Variants in COL11A2 observed in about 807,000 individuals in gnomAD.
The protein encoded by COL11A2 is collagen alpha-2(XI) chain.
In COL11A2, 116 loss-of-function variants were observed where a neutral mutation model predicts 273.4. The ratio of observed to expected loss-of-function variants is 0.42; its 90% CI spans 0.36 to 0.49. The LOEUF is 0.49. Ranked by LOEUF, COL11A2 falls within the 20% of genes least tolerant of loss-of-function variation. The pLI is 0.00. For synonymous variants in COL11A2, 782 were observed against 864.2 expected (o/e 0.90, Z 1.67); for missense variants, 1,866 against 2,309.0 (o/e 0.81, Z 3.93).
upstream of COL11A2, among the ~76,000 whole-genome samples, chr6:33,192,824 AG>A (rs1403461735): frequency 2.0e-5 from 3 of 151,450 alleles, no homozygotes; most frequent in Non-Finnish European, 4.4e-5. Flanking sequence ...GGAGGGGGAG[AG>A]GCGGGCCTGG....
At chr6:33,192,817 G>A (rs1298964202), upstream of COL11A2, among the ~76,000 whole-genome samples, 6 of 152,188 alleles carry the variant, frequency 3.9e-5, no homozygotes, top group East Asian at 1.2e-3. Context: ...CACAGTGGGA[G>A]GGGGAGAGGC....
Position 33,186,738 on chromosome 6 carries a change from C to G in COL11A2, c.687G>C (p.Glu229Asp). Residue 229 changes from glutamate to aspartate, a missense_variant, in exon 5 of 66, where the codon GAG becomes GAC. Glu to Asp is a conservative substitution (Grantham distance 45). Coordinates refer to ENST00000341947, the MANE Select transcript of COL11A2 (RefSeq NM_080680.3). Reference sequence around the variant, plus strand: ...TTTGGGGTCTTTCCCTCTGGCCCCCCTCGCATTCCAGCTCCTTCTGTTCAC... The same window carrying G: ...TTTGGGGTCTTTCCCTCTGGCCCCCGTCGCATTCCAGCTCCTTCTGTTCAC... ...ESCEQKELEC[E>D]GGQRERPQNQ... is the part of the protein sequence containing the mutation. The G allele has an allele frequency of 6.2e-7, 1 of 1,614,126 alleles. No homozygotes were observed.
chr6:33,175,595 G>C lies in COL11A2; in HGVS notation c.2355C>G (p.Pro785=), dbSNP rs1370262513. ...GRTGPTGDPG[P]PGLMGEKGKL... ...TCACCTTCTCGCCCATGAGCCCTGG[G>C]GGCCCAGGGTCTCCAGTCGGTCCAG... Residue 785 remains proline, a synonymous_variant, in exon 30 of 66, where the codon CCC becomes CCG. Transcript: ENST00000341947. 3 of 1,612,770 alleles carry C rather than the reference G, an allele frequency of 1.9e-6. No individual in the cohort carries two copies. Among genetic ancestry groups the C allele is most frequent in the African/African-American group, 1.3e-5 (1 of 74,882 alleles).
Position 33,176,320 on chromosome 6 carries a change from G to T in COL11A2, c.2170-17C>A, listed in dbSNP as rs1245210301. 3.7e-6 allele frequency: 6 copies of T among 1,603,420 alleles called. No homozygotes were observed. The highest frequency in any genetic ancestry group is 4.3e-6 in the Non-Finnish European group (5 of 1,174,878). On this transcript the variant is annotated splice_polypyrimidine_tract_variant and intron_variant, in intron 27 of 65. Coordinates refer to ENST00000341947, the MANE Select transcript of COL11A2 (RefSeq NM_080680.3). This position sits in a 1 kb window ranked among gnomAD's most constrained non-coding sequence, Gnocchi z 4.9. ...GTCCACACCCTAGAATTAGAGAGGG[G>T]ATAGAAGTAGACTGATCAGGGGATG... is the stretch of plus-strand genomic sequence containing the variant.
In COL11A2 at chr6:33,179,309, C is replaced by T. The variant is rs556355562; in HGVS notation, c.1504-25G>A. 8.7e-6 allele frequency: 14 copies of T among 1,604,452 alleles called. No homozygotes were observed. The highest frequency in any genetic ancestry group is 6.7e-5 in the African/African-American group (5 of 74,924). ...CCTGGGAGAGAGAAGAGAGGATGGC[C>T]GTAAGGAAGGACACAGCCAACAGTG... On this transcript the variant is annotated intron_variant, in intron 14 of 65. Coordinates refer to ENST00000341947, the MANE Select transcript of COL11A2 (RefSeq NM_080680.3). The surrounding 1 kb of genome is among the most constrained non-coding windows in gnomAD (Gnocchi z 6.4).
At position 33,177,087 on chromosome 6, in the gene COL11A2, T is replaced by A; in HGVS notation, c.2017-42A>T. The A allele has an allele frequency of 6.2e-7, 1 of 1,612,766 alleles. No individual in the cohort carries two copies. The highest frequency in any genetic ancestry group is 8.5e-7 in the Non-Finnish European group (1 of 1,179,884). On this transcript the variant is annotated intron_variant, in intron 24 of 65. Coordinates refer to ENST00000341947, the MANE Select transcript of COL11A2 (RefSeq NM_080680.3). The surrounding 1 kb of genome is among the most constrained non-coding windows in gnomAD (Gnocchi z 5.9). ...AGGCTCAGGGTCACTAGAGGGGTCA[T>A]GTCTGGACACAGACAAAATCCCAGC... is the stretch of plus-strand genomic sequence containing the variant.
Position 33,185,768 on chromosome 6 carries a change from G to C in COL11A2, c.809C>G (p.Ser270Cys). The change falls in exon 6 of 66, where the codon TCT becomes TGT. Residue 270 changes from serine to cysteine, a missense_variant. By Grantham distance (112) the Ser-to-Cys change is moderately radical (BLOSUM62 -1). Transcript: ENST00000341947. ...GGGGGGCTCGTAGTCATAGTAGAGA[G>C]ACTCAGTGGGCTGGGATTGGGGGGT... Reference protein sequence around the residue: ...NQEPQSQPTESLYYDYEPPYY... With the variant: ...NQEPQSQPTECLYYDYEPPYY... The C allele has an allele frequency of 7.5e-7, 1 of 1,331,992 alleles. No individual in the cohort carries two copies. The highest frequency in any genetic ancestry group is 1.0e-6 in the Non-Finnish European group (1 of 992,588). 82.5% of individuals were successfully genotyped at this position (1,331,992 alleles called of 1,614,324 possible). A position where few individuals can be genotyped will look rare whatever the true frequency, so the allele number is the denominator to read the frequency against.
rs1769701069 is a variant in COL11A2 at position 33,169,387 on chromosome 6, T to C, written c.3794A>G (p.Asn1265Ser). The C allele has an allele frequency of 2.5e-6, 4 of 1,612,296 alleles. No individual in the cohort carries two copies. The highest frequency in any genetic ancestry group is 2.7e-5 in the African/African-American group (2 of 74,968). Residue 1265 changes from asparagine to serine, a missense_variant, in exon 51 of 66, where the codon AAC (asparagine) becomes AGC (serine). Asn to Ser is a conservative substitution (Grantham distance 46). Coordinates refer to ENST00000341947, the MANE Select transcript of COL11A2 (RefSeq NM_080680.3). The surrounding 1 kb of genome is among the most constrained non-coding windows in gnomAD (Gnocchi z 5.5). ...GPTGDDGPKG[N>S]PGPVGFPGDP... ...CCCCCACTGCCCCAAACTCACAGGG[T>C]TCCCTTTGGGGCCATCATCGCCTGT... is the stretch of plus-strand genomic sequence containing the variant.
chr6:33,184,405 C>T, intron 7 of COL11A2, 81 bp from the exon 8 acceptor site: 1 of 1,008,778 alleles, frequency 9.9e-7, no homozygotes, highest in Non-Finnish European at 1.4e-6. Flanking sequence ...CAGGGTGTGA[C>T]AACTTCTAGC....
At position 33,166,879 on chromosome 6, in the gene COL11A2, G is replaced by A. The variant is rs1048594040; in HGVS notation, c.4231-52C>T. The A allele has an allele frequency of 3.2e-6, 5 of 1,581,432 alleles. No individual in the cohort carries two copies. The highest frequency in any genetic ancestry group is 1.3e-5 in the African/African-American group (1 of 74,174). On this transcript the variant is annotated intron_variant, in intron 58 of 65. Coordinates refer to ENST00000341947, the MANE Select transcript of COL11A2 (RefSeq NM_080680.3). This position sits in a 1 kb window ranked among gnomAD's most constrained non-coding sequence, Gnocchi z 4.8. ...GAATGCAAAGAGGAGTCATGTGGAT[G>A]GGGGAGAAGGGCCAAGAGGACATGG... is the stretch of plus-strand genomic sequence containing the variant.
chr6:33,166,698 C>A lies in COL11A2; in HGVS notation c.4338+22G>T. ...CCCCACTCTCAACCCCCACAACTTC[C>A]GGGACCATGCCCTCTACTCACCATC... is the stretch of plus-strand genomic sequence containing the variant. On this transcript the variant is annotated intron_variant, in intron 59 of 65. Coordinates refer to ENST00000341947, the MANE Select transcript of COL11A2 (RefSeq NM_080680.3). This position sits in a 1 kb window ranked among gnomAD's most constrained non-coding sequence, Gnocchi z 4.8. 6.2e-7 allele frequency: 1 copy of A among 1,613,756 alleles called. No homozygotes were observed. The highest frequency in any genetic ancestry group is 1.6e-4 in the Middle Eastern group (1 of 6,062).
Position 33,167,167 on chromosome 6 carries a change from C to T in COL11A2, c.4177-44G>A, listed in dbSNP as rs1769272562. The T allele has an allele frequency of 6.2e-7, 1 of 1,613,828 alleles. No individual in the cohort carries two copies. Among genetic ancestry groups the T allele is most frequent in the Non-Finnish European group, 8.5e-7 (1 of 1,179,770 alleles). On this transcript the variant is annotated intron_variant, in intron 57 of 65. Transcript: ENST00000341947. The surrounding 1 kb of genome is among the most constrained non-coding windows in gnomAD (Gnocchi z 6.1). The stretch of plus-strand genomic sequence containing the variant: ...TCATTCTCTTAAGGGAGAGGTGGGA[C>T]CAAGTTCTCCCCAACAGCCTCCACT...
chr6:33,179,363 C>T lies in COL11A2; in HGVS notation c.1503+68G>A. ...TCGGAGTGTTCCCCAAAAGAAGCCC[C>T]TTTCCAGAACTATCCACACCCCACA... On this transcript the variant is annotated intron_variant, in intron 14 of 65. Coordinates refer to ENST00000341947, the MANE Select transcript of COL11A2 (RefSeq NM_080680.3). This position sits in a 1 kb window ranked among gnomAD's most constrained non-coding sequence, Gnocchi z 6.4. 6.4e-7 allele frequency: 1 copy of T among 1,571,780 alleles called. No individual in the cohort carries two copies. The highest frequency in any genetic ancestry group is 8.6e-7 in the Non-Finnish European group (1 of 1,158,554).
chr6:33,189,259 T>C lies in COL11A2; in HGVS notation c.232+61A>G. On this transcript the variant is annotated intron_variant, in intron 2 of 65. Transcript: ENST00000341947. This position sits in a 1 kb window ranked among gnomAD's most constrained non-coding sequence, Gnocchi z 5.6. ...CGCCACAACCCCTTTCCTCCTGGTG[T>C]CTGATCCTAGGCCCCATCCCATTAC... 1 of 1,613,550 alleles carries C rather than the reference T, an allele frequency of 6.2e-7. No individual in the cohort carries two copies. Among genetic ancestry groups the C allele is most frequent in the Non-Finnish European group, 8.5e-7 (1 of 1,179,590 alleles).
rs370370353 is a variant in COL11A2 at position 33,167,022 on chromosome 6, C to T, written c.4230+48G>A. 48 of 1,610,836 alleles carry T rather than the reference C, an allele frequency of 3.0e-5. No homozygotes were observed. In the South Asian group the frequency reaches 3.7e-4, roughly 13 times the overall value. Reference sequence around the variant, plus strand: ...ACTTGGGTCCCACAGGTTTCAGGGGCGAGGGTGATGGGAGAGACACCTGGC... The same window carrying T: ...ACTTGGGTCCCACAGGTTTCAGGGGTGAGGGTGATGGGAGAGACACCTGGC... On this transcript the variant is annotated intron_variant, in intron 58 of 65. Coordinates refer to ENST00000341947, the MANE Select transcript of COL11A2 (RefSeq NM_080680.3). The surrounding 1 kb of genome is among the most constrained non-coding windows in gnomAD (Gnocchi z 6.1).
rs529045062 is a variant in COL11A2 at position 33,165,377 on chromosome 6, T to C, written c.4750+172A>G. Reference sequence around the variant, plus strand: ...CTGGTACACACTGACCCAGATCAGTTGCTAAAGTATTGGGATACTTCTGAC... The same window carrying C: ...CTGGTACACACTGACCCAGATCAGTCGCTAAAGTATTGGGATACTTCTGAC... On this transcript the variant is annotated intron_variant, in intron 63 of 65. Coordinates refer to ENST00000341947, the MANE Select transcript of COL11A2 (RefSeq NM_080680.3). This position sits in a 1 kb window ranked among gnomAD's most constrained non-coding sequence, Gnocchi z 7.7. 6.6e-6 allele frequency among the ~76,000 whole-genome samples: 1 copy of C among 152,280 alleles called. No homozygotes were observed. The highest frequency in any genetic ancestry group is 2.1e-4 in the South Asian group (1 of 4,824).
In COL11A2 at chr6:33,174,521, C is replaced by T. The variant is rs1273864865; in HGVS notation, c.2430+6G>A. On this transcript the variant is annotated splice_donor_region_variant and intron_variant, in intron 31 of 65. Coordinates refer to ENST00000341947, the MANE Select transcript of COL11A2 (RefSeq NM_080680.3). ...GAGGAGGGGCACGTATGGGGCATGG[C>T]ATCACCTTGGGTCCCTGACGTCCAG... 3 of 1,612,484 alleles carry T rather than the reference C, an allele frequency of 1.9e-6. No homozygotes were observed. Among genetic ancestry groups the T allele is most frequent in the South Asian group, 1.1e-5 (1 of 90,860 alleles).
chr6:33,178,359 G>A lies in COL11A2; in HGVS notation c.1774-7C>T, dbSNP rs1771218283. The A allele has an allele frequency of 6.2e-7, 1 of 1,612,902 alleles. No homozygotes were observed. Among genetic ancestry groups the A allele is most frequent in the South Asian group, 1.1e-5 (1 of 91,072 alleles). ...CAATCTCCCCGTCATCTCCCTGGAG[G>A]AGGAGGACACGGTAAAGCTGCTGTG... On this transcript the variant is annotated splice_region_variant and splice_polypyrimidine_tract_variant and intron_variant, in intron 19 of 65. Coordinates refer to ENST00000341947, the MANE Select transcript of COL11A2 (RefSeq NM_080680.3). The surrounding 1 kb of genome is among the most constrained non-coding windows in gnomAD (Gnocchi z 4.6).
Position 33,173,957 on chromosome 6 carries a change from C to G in COL11A2, c.2530-31G>C. The G allele has an allele frequency of 6.2e-7, 1 of 1,614,060 alleles. No individual in the cohort carries two copies. Among genetic ancestry groups the G allele is most frequent in the Non-Finnish European group, 8.5e-7 (1 of 1,179,982 alleles). On this transcript the variant is annotated intron_variant, in intron 33 of 65. Coordinates refer to ENST00000341947, the MANE Select transcript of COL11A2 (RefSeq NM_080680.3). The surrounding 1 kb of genome is among the most constrained non-coding windows in gnomAD (Gnocchi z 6.3). Reference sequence around the variant, plus strand: ...GAGGGAAGAGGAGTTGTCAGAGAAACCCAAATGCCCCCCTCTGGACCTTGA... The same window carrying G: ...GAGGGAAGAGGAGTTGTCAGAGAAAGCCAAATGCCCCCCTCTGGACCTTGA...
Sources: allele counts gnomAD v4.1 joint callset (sites outside exome capture counted in the v4.1 genomes callset), GRCh38; gene constraint gnomAD v4.1.1; non-coding constraint Gnocchi (gnomAD v3.1); transcripts MANE v1.5; gene names NCBI Gene and HGNC (gene_info 2026-07-23, HGNC 2026-07-21).